Variants in TULP4 observed in about 807,000 individuals in gnomAD.
TULP4 encodes tubby-related protein 4.
TULP4 carries 16 observed loss-of-function variants against 129.0 expected under a neutral mutation model. The observed-to-expected ratio is 0.12, with a 90% CI of 0.08 to 0.19. TULP4 has a LOEUF of 0.19. Ranked by LOEUF, TULP4 falls within the 10% of genes least tolerant of loss-of-function variation. TULP4 has a pLI of 1.00. For synonymous variants in TULP4, 998 were observed against 854.0 expected (o/e 1.17, Z -2.94); for missense variants, 1,842 against 2,059.1 (o/e 0.89, Z 2.04).
chr6:158,423,135 G>C lies in TULP4; in HGVS notation c.382-6601G>C, dbSNP rs910195951. Among the ~76,000 whole-genome samples the C allele has an allele frequency of 4.8e-5, 6 of 124,348 alleles. 1 individual carries two copies. Among genetic ancestry groups the C allele is most frequent in the Non-Finnish European group, 1.1e-4 (6 of 56,720 alleles). The allele number at this position is 124,348 out of a possible 152,430, so 81.6% of individuals were successfully genotyped here. A position where few individuals can be genotyped will look rare whatever the true frequency, so the allele number is the denominator to read the frequency against. ...TCCACAAAAAAGAGGGGGGGGGGGG[G>C]AAAGAAACCTTCCCAGGACCCCTTT... On this transcript the variant is annotated intron_variant, in intron 2 of 13. Coordinates refer to ENST00000367097, the MANE Select transcript of TULP4 (RefSeq NM_020245.5).
At chr6:158,262,886 G>C (rs79766787) in intron 1 of TULP4, among the ~76,000 whole-genome samples, 1,674 of 152,306 alleles carry the variant, frequency 0.011, 35 homozygotes, top group African/African-American at 0.037. Flanking sequence ...GCATTCTTCT[G>C]CTGGGTTTTC....
chr6:158,279,054 C>G (rs1778699205), upstream of TULP4, among the ~76,000 whole-genome samples: 1 of 117,058 alleles, frequency 8.5e-6, no homozygotes, highest in South Asian at 2.7e-4. Flanking sequence ...ATTCTCCTGC[C>G]TCAGCCTCCC....
At chr6:158,439,877 A>C (rs181643147) in intron 3 of TULP4, among the ~76,000 whole-genome samples, 1,861 of 151,274 alleles carry the variant, frequency 0.012, 21 homozygotes, top group Admixed American at 0.025. Flanking sequence ...ATGCCCGGCT[A>C]ATTTTTTGTA....
At chr6:158,293,479 A>G (rs917442313) in intron 1 of TULP4, among the ~76,000 whole-genome samples, 1 of 152,266 alleles carries the variant, frequency 6.6e-6, no homozygotes, top group Non-Finnish European at 1.5e-5. Flanking sequence ...GGAGTAAAAC[A>G]TAGCCTCTGT....
At chr6:158,298,996 C>T (rs1040121036) in intron 1 of TULP4, among the ~76,000 whole-genome samples, 1 of 152,152 alleles carries the variant, frequency 6.6e-6, no homozygotes, top group Non-Finnish European at 1.5e-5. Flanking sequence ...TTCAGAATCA[C>T]GGATGCAAGG....
At chr6:158,375,738 C>T (rs1008735519) in intron 1 of TULP4, among the ~76,000 whole-genome samples, 2 of 152,188 alleles carry the variant, frequency 1.3e-5, no homozygotes, top group African/African-American at 4.8e-5. Flanking sequence ...TAAACAGCTA[C>T]TCCTGACCTT....
At chr6:158,415,903 A>G (rs549225052) in intron 2 of TULP4, among the ~76,000 whole-genome samples, 20 of 152,298 alleles carry the variant, frequency 1.3e-4, no homozygotes, top group African/African-American at 4.8e-4. Flanking sequence ...GCCGTCTGCA[A>G]GTTGAGGGGC....
chr6:158,432,152 A>G (rs888614503), intron 3 of TULP4, among the ~76,000 whole-genome samples: 9 of 151,940 alleles, frequency 5.9e-5, no homozygotes, highest in African/African-American at 2.2e-4. Context: ...CTGAAGCAAT[A>G]AGGACCCTGG....
chr6:158,498,506 G>C (rs559235048), intron 11 of TULP4, among the ~76,000 whole-genome samples, 163 bp from the exon 12 acceptor site: 4 of 152,274 alleles, frequency 2.6e-5, no homozygotes. Flanking sequence ...TTGAGTACTA[G>C]GGAGAAATGA....
chr6:158,503,251 C>T lies in TULP4; in HGVS notation c.3588C>T (p.Asn1196=). 1 of 1,614,086 alleles carries T rather than the reference C, an allele frequency of 6.2e-7. No homozygotes were observed. The highest frequency in any genetic ancestry group is 8.5e-7 in the Non-Finnish European group (1 of 1,180,024). ...GMGVPYPGSY[N]NPPLPGVQAP... ...GAGTGCCATATCCAGGAAGCTATAA[C>T]AACCCCCCTTTGCCTGGAGTGCAGG... Residue 1196 remains asparagine (N), a synonymous_variant, in exon 13 of 14, where the codon AAC becomes AAT. Transcript: ENST00000367097. This position sits in a 1 kb window ranked among gnomAD's most constrained non-coding sequence, Gnocchi z 4.3.
intron 1 of TULP4, among the ~76,000 whole-genome samples, chr6:158,377,607 G>A (rs1349702764): frequency 1.3e-5 from 2 of 152,198 alleles, no homozygotes; most frequent in African/African-American, 4.8e-5. Flanking sequence ...TATGCTGAGT[G>A]TTGAGAATAT....
chr6:158,274,547 C>T (rs9364893), intron 1 of TULP4, among the ~76,000 whole-genome samples: 22,897 of 151,894 alleles, frequency 0.15, 2,345 homozygotes, highest in East Asian at 0.43. Context: ...GAGGCCAAGG[C>T]GGGCGGATCA....
chr6:158,255,452 A>G (rs1171019820), intron 1 of TULP4, among the ~76,000 whole-genome samples: 3 of 152,098 alleles, frequency 2.0e-5, no homozygotes, highest in Non-Finnish European at 2.9e-5. Context: ...GTAGGTGATG[A>G]CTGTAGGGGT....
Position 158,498,659 on chromosome 6 carries a change from T to A in TULP4, c.1871-10T>A, listed in dbSNP as rs755545579. The A allele has an allele frequency of 6.2e-7, 1 of 1,614,020 alleles. No homozygotes were observed. Among genetic ancestry groups the A allele is most frequent in the Non-Finnish European group, 8.5e-7 (1 of 1,180,008 alleles). ...TCTCTGTTAACTGTGCCCTTCTTTT[T>A]CCCCACCAGTAATCTATAAAACCAG... is the stretch of plus-strand genomic sequence containing the variant. On this transcript the variant is annotated splice_polypyrimidine_tract_variant and intron_variant, in intron 11 of 13. Coordinates refer to ENST00000367097, the MANE Select transcript of TULP4 (RefSeq NM_020245.5).
intron 1 of TULP4, among the ~76,000 whole-genome samples, chr6:158,330,860 CTCTT>C (rs1779863257): frequency 6.6e-6 from 1 of 152,128 alleles, no homozygotes; most frequent in Non-Finnish European, 1.5e-5. Context: ...AAGAATGCTC[CTCTT>C]TCTTTTTAAT....
chr6:158,493,662 C>T lies in TULP4; in HGVS notation c.1721C>T (p.Ser574Phe). Residue 574 changes from serine to phenylalanine, a missense_variant, in exon 10 of 14, where the codon TCT becomes TTT. Physicochemically the swap from Ser to Phe is radical, Grantham distance 155. Around this residue, in one of 5 missense-constraint regions of TULP4, gnomAD observed 456 missense variants for 534.3 expected, o/e 0.85. Transcript: ENST00000367097. This position sits in a 1 kb window ranked among gnomAD's most constrained non-coding sequence, Gnocchi z 4.4. ...CCACGGTTGCCCCTGCGCAAGCCCTCTGTGGGCTCGCCCAGCCTGACTCGG... is the reference window on the plus strand; with the variant it reads ...CCACGGTTGCCCCTGCGCAAGCCCTTTGTGGGCTCGCCCAGCCTGACTCGG... ...RSPRLPLRKP[S>F]VGSPSLTRRE... is the part of the protein sequence containing the mutation. 6.3e-7 allele frequency: 1 copy of T among 1,598,366 alleles called. No individual in the cohort carries two copies. The highest frequency in any genetic ancestry group is 8.5e-7 in the Non-Finnish European group (1 of 1,172,728).
At chr6:158,355,451 T>C (rs897875087) in intron 1 of TULP4, among the ~76,000 whole-genome samples, 12 of 151,952 alleles carry the variant, frequency 7.9e-5, no homozygotes, top group Non-Finnish European at 1.8e-4. Context: ...AGAGTCCAGG[T>C]AGTAGACAAG....
chr6:158,410,237 C>CA (rs1273426896), intron 1 of TULP4, among the ~76,000 whole-genome samples: 3 of 152,116 alleles, frequency 2.0e-5, no homozygotes, highest in African/African-American at 4.8e-5. Context: ...GTCATAAGAC[C>CA]AAAAAATCTT....
intron 6 of TULP4, among the ~76,000 whole-genome samples, chr6:158,469,447 A>AT (rs948458369): frequency 2.0e-5 from 3 of 151,636 alleles, no homozygotes; most frequent in African/African-American, 7.3e-5. Context: ...TAATTTTTGT[A>AT]TTTTTTGGTA....
Sources: gnomAD v4.1 joint callset for allele counts (sites outside exome capture counted in the v4.1 genomes callset) on GRCh38, gnomAD v4.1.1 for gene constraint, gnomAD v4.1.1 regional missense constraint, Gnocchi (gnomAD v3.1) non-coding constraint, MANE v1.5 for transcripts, NCBI Gene and HGNC (gene_info 2026-07-23, HGNC 2026-07-21) for gene names.